The following GAK variants were observed in gnomAD, a reference collection of about 807,000 sequenced individuals.
The protein encoded by GAK is cyclin G associated kinase.
Under a neutral mutation model 143.9 loss-of-function variants are expected in GAK, and 79 were observed. That is an observed-to-expected ratio of 0.55 (90% CI 0.46 to 0.66). The LOEUF (loss-of-function observed/expected upper bound fraction) is 0.66. Among genes scored for constraint, GAK ranks in the 30% least tolerant of loss-of-function variants. The pLI is 0.00. For synonymous variants in GAK, 881 were observed against 765.5 expected, an observed-to-expected ratio of 1.15 and a Z score of -2.49; for missense variants, 1,693 against 1,779.7, an observed-to-expected ratio of 0.95 and a Z score of 0.88.
chr4:864,440 G>A (rs1203173240), intron 23 of GAK, among the ~76,000 whole-genome samples: 2 of 152,178 alleles, frequency 1.3e-5, no homozygotes, highest in Admixed American at 6.5e-5. Flanking sequence ...AATCTGACTG[G>A]CTTTCTAGGG....
intron 3 of GAK, chr4:912,194 C>T (rs1240225937): frequency 2.2e-6 from 1 of 455,908 alleles, no homozygotes; most frequent in Non-Finnish European, 4.4e-6. Flanking sequence ...GAAAGAGAGG[C>T]AGAGTCTGAG....
intron 5 of GAK, among the ~76,000 whole-genome samples, chr4:903,771 G>A (rs578075083): frequency 7.3e-5 from 11 of 151,682 alleles, no homozygotes; most frequent in South Asian, 4.1e-4. Flanking sequence ...TGACACCACC[G>A]GCGGGCACCC....
chr4:907,164 T>A (rs1424906250), intron 4 of GAK, among the ~76,000 whole-genome samples: 2 of 152,206 alleles, frequency 1.3e-5, no homozygotes. Flanking sequence ...CAGCTCAGGC[T>A]GGGCCACGCT....
At chr4:886,089 A>C (rs929192439) in intron 11 of GAK, 6 of 152,264 alleles carry the variant, frequency 3.9e-5, no homozygotes, top group African/African-American at 1.4e-4. Flanking sequence ...GCCCAACCAG[A>C]ACTCACTGTT....
chr4:918,608 T>G (rs530678040), intron 1 of GAK, among the ~76,000 whole-genome samples: 4 of 152,374 alleles, frequency 2.6e-5, no homozygotes, highest in Non-Finnish European at 5.9e-5. Context: ...CCACGATGCA[T>G]ATATACTTCA....
intron 1 of GAK, among the ~76,000 whole-genome samples, chr4:924,082 G>A (rs1300629887): frequency 6.6e-6 from 1 of 151,594 alleles, no homozygotes; most frequent in Non-Finnish European, 1.5e-5. Context: ...CTAGTTGGGA[G>A]GCTGAGGCAG....
intron 1 of GAK, among the ~76,000 whole-genome samples, chr4:929,206 C>G (rs79026232): frequency 0.034 from 5,135 of 152,308 alleles, 171 homozygotes; most frequent in East Asian, 0.16. Flanking sequence ...AGAGCTTGAC[C>G]CCCAAGGCTC....
chr4:898,412 C>T (rs1178741048), intron 5 of GAK, among the ~76,000 whole-genome samples: 4 of 152,190 alleles, frequency 2.6e-5, no homozygotes, highest in East Asian at 1.9e-4. Flanking sequence ...AAGCGGGCCC[C>T]GAGGGGCTGA....
chr4:851,222 C>CA (rs1349546054), intron 25 of GAK, 138 bp from the exon 26 acceptor site: 15 of 674,046 alleles, frequency 2.2e-5, no homozygotes, highest in Non-Finnish European at 3.4e-5. Flanking sequence ...CTCAGCCTCC[C>CA]AAGTAGCTGG....
chr4:911,958 G>A, intron 3 of GAK, 171 bp from the exon 4 acceptor site: 1 of 553,094 alleles, frequency 1.8e-6, no homozygotes, highest in South Asian at 1.7e-5. Context: ...ACGACCGAGA[G>A]AAAGGCAGAC....
At chr4:924,435 ATCCT>A (rs1724365144) in intron 1 of GAK, among the ~76,000 whole-genome samples, 2 of 152,158 alleles carry the variant, frequency 1.3e-5, no homozygotes, top group Non-Finnish European at 2.9e-5. Flanking sequence ...TAAATCAGCA[ATCCT>A]ACTCCTTGGT....
Position 932,014 on chromosome 4 carries a change from G to A in GAK, c.145+29C>T, listed in dbSNP as rs779208313. On this transcript the variant is annotated intron_variant, in intron 1 of 27. Transcript: ENST00000314167. The surrounding 1 kb of genome is among the most constrained non-coding windows in gnomAD (Gnocchi z 4.0). ...GTCCCGGAGACAACACTCCGCGGCC[G>A]CACCCGCGCTGCCGACCCGGGGCCT... 10 of 1,496,796 alleles carry A rather than the reference G, an allele frequency of 6.7e-6. No homozygotes were observed. The highest frequency in any genetic ancestry group is 3.6e-5 in the Admixed American group (2 of 55,214). 92.7% of individuals were successfully genotyped at this position (1,496,796 alleles called of 1,614,324 possible). A position where few individuals can be genotyped will look rare whatever the true frequency, so the allele number is the denominator to read the frequency against.
chr4:885,955 G>A (rs1007537484), intron 11 of GAK: 1 of 152,210 alleles, frequency 6.6e-6, no homozygotes, highest in Admixed American at 6.5e-5. Context: ...TGTAGAGACA[G>A]GGTCTTGCTG....
In GAK at chr4:859,721, G is replaced by T; in HGVS notation, c.3168C>A (p.Gly1056=). The part of the protein sequence containing the change: ...SAVAPTPATE[G]PLFSPGGQPA... ...GCTGACCTCCAGGAGAGAAGAGGGG[G>T]CCTGGAGAAGGGGCACAGGGCATTA... The change falls in exon 24 of 28, where the codon GGC becomes GGA. Residue 1056 remains glycine, a splice_region_variant and synonymous_variant. Transcript: ENST00000314167. 2 of 1,584,908 alleles carry T rather than the reference G, an allele frequency of 1.3e-6. No homozygotes were observed. The highest frequency in any genetic ancestry group is 1.7e-6 in the Non-Finnish European group (2 of 1,157,414).
rs1252100607 is a variant in GAK at position 866,982 on chromosome 4, G to A, written c.2846C>T (p.Thr949Ile). The stretch of plus-strand genomic sequence containing the variant: ...AGCGGCAGGGGGCCCTCCTCTTGGG[G>A]TGCTCTGCACGCTCAGGGGAGGGGC... ...SPAPPLSVQS[T>I]PRGGPPAAAD... Residue 949 changes from threonine to isoleucine, a missense_variant, in exon 21 of 28, where the codon ACC becomes ATC. Thr to Ile is a moderately conservative substitution (Grantham distance 89, BLOSUM62 -1). Around this residue, in one of 2 missense-constraint regions of GAK, gnomAD observed 822 missense variants for 788.7 expected, o/e 1.04. Transcript: ENST00000314167. 4.0e-6 allele frequency: 6 copies of A among 1,494,282 alleles called. No individual in the cohort carries two copies. Among genetic ancestry groups the A allele is most frequent in the Non-Finnish European group, 5.3e-6 (6 of 1,122,256 alleles). 92.6% of individuals were successfully genotyped at this position (1,494,282 alleles called of 1,614,324 possible).
In GAK at chr4:851,005, T is replaced by A. The variant is rs771878376; in HGVS notation, c.3588A>T (p.Lys1196Asn). 3 of 1,614,148 alleles carry A rather than the reference T, an allele frequency of 1.9e-6. No individual in the cohort carries two copies. In the South Asian group the frequency reaches 3.3e-5, roughly 18 times the overall value. The change falls in exon 26 of 28, where the codon AAA becomes AAT. Residue 1196 changes from lysine to asparagine, a missense_variant. Coordinates refer to ENST00000314167, the MANE Select transcript of GAK (RefSeq NM_005255.4). ...NQGFSSRSDKKGPKTIAEMRK... is the reference protein window; with the variant it reads ...NQGFSSRSDKNGPKTIAEMRK... Reference sequence around the variant, plus strand: ...TCATCTCTGCAATGGTCTTTGGCCCTTTCTTGTCAGACCTGGAGGAGAAGC... The same window carrying A: ...TCATCTCTGCAATGGTCTTTGGCCCATTCTTGTCAGACCTGGAGGAGAAGC...
At chr4:913,749 A>C (rs1722437213) in intron 1 of GAK, 81 bp from the exon 2 acceptor site, 6 of 1,202,718 alleles carry the variant, frequency 5.0e-6, no homozygotes, top group Non-Finnish European at 7.4e-6. Flanking sequence ...TCACTAAGTA[A>C]AATACAAATT....
intron 24 of GAK, 104 bp from the exon 25 acceptor site, chr4:852,078 A>AT: frequency 1.0e-6 from 1 of 974,616 alleles, no homozygotes; most frequent in Non-Finnish European, 1.6e-6. Context: ...ATGCGCTTGC[A>AT]AAATAGAACA....
intron 9 of GAK, among the ~76,000 whole-genome samples, chr4:891,667 T>C (rs991283011): frequency 2.6e-5 from 4 of 151,998 alleles, no homozygotes; most frequent in Non-Finnish European, 5.9e-5. Flanking sequence ...TCCCGCCCCA[T>C]CAAGAATCCC....
Sources: allele counts gnomAD v4.1 joint callset (sites outside exome capture counted in the v4.1 genomes callset), GRCh38; gene constraint gnomAD v4.1.1; regional missense constraint gnomAD v4.1.1; non-coding constraint Gnocchi (gnomAD v3.1); transcripts MANE v1.5; gene names NCBI Gene and HGNC (gene_info 2026-07-23, HGNC 2026-07-21).